The following XYLT1 variants were observed in gnomAD, a reference collection of about 807,000 sequenced individuals.
The protein encoded by XYLT1 is beta-D-xylosyltransferase 1.
Under a neutral mutation model 91.3 loss-of-function variants are expected in XYLT1, and 36 were observed. The observed-to-expected ratio is 0.39, with a 90% CI of 0.30 to 0.52. XYLT1 has a LOEUF of 0.52. Ranked by LOEUF, XYLT1 falls within the 20% of genes least tolerant of loss-of-function variation. The pLI, the probability that XYLT1 is intolerant of heterozygous loss-of-function variation, is 0.68. For synonymous variants in XYLT1, 588 were observed against 532.0 expected (o/e 1.11, Z -1.45); for missense variants, 1,242 against 1,284.5 (o/e 0.97, Z 0.51).
intron 5 of XYLT1, among the ~76,000 whole-genome samples, chr16:17,167,098 A>G: frequency 6.6e-6 from 1 of 152,226 alleles, no homozygotes; most frequent in Non-Finnish European, 1.5e-5. Context: ...AGCTTGTGCC[A>G]GGTCTTATGA....
chr16:17,433,911 G>A (rs952007743), intron 1 of XYLT1, among the ~76,000 whole-genome samples: 3 of 151,314 alleles, frequency 2.0e-5, no homozygotes, highest in Non-Finnish European at 4.4e-5. Context: ...CATTCCTAGC[G>A]GCAAGGCTGG....
At chr16:17,373,526 G>C (rs1259754013) in intron 1 of XYLT1, among the ~76,000 whole-genome samples, 1 of 152,208 alleles carries the variant, frequency 6.6e-6, no homozygotes, top group Non-Finnish European at 1.5e-5. Context: ...ACACTTTTAA[G>C]CCAGCTGGCG....
At chr16:17,296,776 A>G (rs2034318328) in intron 2 of XYLT1, among the ~76,000 whole-genome samples, 1 of 152,222 alleles carries the variant, frequency 6.6e-6, no homozygotes, top group South Asian at 2.1e-4. Context: ...TCAAAGCATT[A>G]AGAATCCAGG....
chr16:17,455,130 G>A (rs1275071105), intron 1 of XYLT1, among the ~76,000 whole-genome samples: 1 of 152,060 alleles, frequency 6.6e-6, no homozygotes, highest in Non-Finnish European at 1.5e-5. Flanking sequence ...ACCTGGTGGG[G>A]TTAGAAGTCA....
chr16:17,172,392 G>A (rs1323983508), intron 5 of XYLT1, among the ~76,000 whole-genome samples: 1 of 150,244 alleles, frequency 6.7e-6, no homozygotes, highest in Non-Finnish European at 1.5e-5. Context: ...CAATTTCCCA[G>A]TTCTTCAGCA....
chr16:17,312,872 G>A lies in XYLT1; in HGVS notation c.402+45140C>T, dbSNP rs1390049528. 6.6e-6 allele frequency among the ~76,000 whole-genome samples: 1 copy of A among 152,238 alleles called. No individual in the cohort carries two copies. ...GGTAACTAGTGCAAACTCGCTCATGGATCAGAGATGTTTCTGAGGGTACTC... is the reference window on the plus strand; with the variant it reads ...GGTAACTAGTGCAAACTCGCTCATGAATCAGAGATGTTTCTGAGGGTACTC... On this transcript the variant is annotated intron_variant, in intron 2 of 11. Coordinates refer to ENST00000261381, the MANE Select transcript of XYLT1 (RefSeq NM_022166.4). The surrounding 1 kb of genome is among the most constrained non-coding windows in gnomAD (Gnocchi z 4.4).
At chr16:17,207,477 A>G (rs2032672725) in intron 3 of XYLT1, among the ~76,000 whole-genome samples, 1 of 151,962 alleles carries the variant, frequency 6.6e-6, no homozygotes, top group Admixed American at 6.6e-5. Flanking sequence ...TTTGGGGGAG[A>G]GGCCTCAATG....
intron 2 of XYLT1, among the ~76,000 whole-genome samples, chr16:17,285,874 C>CTGTG (rs56267931): frequency 0.12 from 17,282 of 144,804 alleles, 1,197 homozygotes; most frequent in Admixed American, 0.15. Context: ...TGGTGTATCT[C>CTGTG]TGTGTGTGTG....
chr16:17,375,691 C>T lies in XYLT1; in HGVS notation c.364-17641G>A, dbSNP rs191301117. On this transcript the variant is annotated intron_variant, in intron 1 of 11. Transcript: ENST00000261381. Reference sequence around the variant, plus strand: ...AGAGCAGTCCATGATCCAGAGAGGCCGGGAACATGCTCCTGGGCCCTCGTG... The same window carrying T: ...AGAGCAGTCCATGATCCAGAGAGGCTGGGAACATGCTCCTGGGCCCTCGTG... 3.0e-4 allele frequency among the ~76,000 whole-genome samples: 46 copies of T among 152,334 alleles called. No homozygotes were observed. In the South Asian group the frequency reaches 8.3e-3, roughly 27 times the overall value.
At chr16:17,281,718 A>G (rs774321906) in intron 2 of XYLT1, among the ~76,000 whole-genome samples, 1 of 152,216 alleles carries the variant, frequency 6.6e-6, no homozygotes, top group Non-Finnish European at 1.5e-5. Flanking sequence ...AAGAGATTGC[A>G]GGAGCACTGG....
At chr16:17,424,664 T>C (rs979065304) in intron 1 of XYLT1, among the ~76,000 whole-genome samples, 1 of 152,022 alleles carries the variant, frequency 6.6e-6, no homozygotes, top group African/African-American at 2.4e-5. Context: ...GGTCAGGAGT[T>C]ACAGACCATC....
rs544040613 is a variant in XYLT1, at chr16:17,307,624, A to G, written c.403-48126T>C. Among the ~76,000 whole-genome samples, 113 of 152,308 alleles carry G rather than the reference A, an allele frequency of 7.4e-4. 5 individuals are homozygous for G. In the South Asian group the frequency reaches 0.023, roughly 30 times the overall value. On this transcript the variant is annotated intron_variant, in intron 2 of 11. Coordinates refer to ENST00000261381, the MANE Select transcript of XYLT1 (RefSeq NM_022166.4). ...TCCTGGTACAAGGGGATTCATCAATACATCTTTCATAAGAGGGCTTCTCTG... is the reference window on the plus strand; with the variant it reads ...TCCTGGTACAAGGGGATTCATCAATGCATCTTTCATAAGAGGGCTTCTCTG...
intron 1 of XYLT1, among the ~76,000 whole-genome samples, chr16:17,468,878 G>T (rs1482656003): frequency 1.3e-5 from 2 of 152,122 alleles, no homozygotes; most frequent in Non-Finnish European, 2.9e-5. Flanking sequence ...CTGGGCTCTG[G>T]ATGCACAAAG....
intron 1 of XYLT1, among the ~76,000 whole-genome samples, chr16:17,388,749 A>C (rs1387677070): frequency 6.6e-6 from 1 of 152,208 alleles, no homozygotes; most frequent in Admixed American, 6.5e-5. Context: ...GAGAAACAAA[A>C]GCAGGTTTGG....
intron 2 of XYLT1, among the ~76,000 whole-genome samples, chr16:17,313,362 T>C (rs1381092573): frequency 6.6e-6 from 1 of 152,122 alleles, no homozygotes; most frequent in Non-Finnish European, 1.5e-5. Flanking sequence ...CCAGTAAAGC[T>C]GTAACACCAC....
At chr16:17,379,763 T>TCTTTCTCACACACACACACACACACACA (rs373354877) in intron 1 of XYLT1, among the ~76,000 whole-genome samples, 8 of 125,622 alleles carry the variant, frequency 6.4e-5, no homozygotes, top group African/African-American at 2.5e-4. Flanking sequence ...TCTCTCTCTC[T>TCTTTCTCACACACACACACACACACACA]CACACACACA....
intron 1 of XYLT1, among the ~76,000 whole-genome samples, chr16:17,379,205 C>T (rs1027469514): frequency 2.0e-5 from 3 of 152,304 alleles, no homozygotes; most frequent in South Asian, 2.1e-4. Flanking sequence ...CACCACACTC[C>T]GCTCCAAGGA....
At chr16:17,167,513 G>GTGAAGGGA (rs2031721941) in intron 5 of XYLT1, among the ~76,000 whole-genome samples, 1 of 89,208 alleles carries the variant, frequency 1.1e-5, no homozygotes, top group African/African-American at 4.4e-5. Context: ...TCGTGAATGG[G>GTGAAGGGA]TTCTAACCCA....
At chr16:17,294,149 C>T (rs1015762151) in intron 2 of XYLT1, among the ~76,000 whole-genome samples, 1 of 152,188 alleles carries the variant, frequency 6.6e-6, no homozygotes, top group Non-Finnish European at 1.5e-5. Flanking sequence ...AAGGGGTCCC[C>T]TGCTCAGCAG....
Sources: gnomAD v4.1 joint callset for allele counts (sites outside exome capture counted in the v4.1 genomes callset) on GRCh38, gnomAD v4.1.1 for gene constraint, Gnocchi (gnomAD v3.1) non-coding constraint, MANE v1.5 for transcripts, NCBI Gene and HGNC (gene_info 2026-07-23, HGNC 2026-07-21) for gene names.